APBA1: variants seen among roughly 807,000 people sequenced by gnomAD.
APBA1 encodes amyloid beta precursor protein binding family A member 1.
APBA1 carries 55 observed loss-of-function variants against 86.6 expected under a neutral mutation model. The observed-to-expected ratio is 0.64, with a 90% CI of 0.51 to 0.80. APBA1 has a LOEUF of 0.80. Ranked by LOEUF, APBA1 falls within the 30% of genes least tolerant of loss-of-function variation. The pLI is 0.00. For synonymous variants in APBA1, 511 were observed against 493.9 expected (o/e 1.03, Z -0.46); for missense variants, 1,090 against 1,183.0 (o/e 0.92, Z 1.15).
intron 11 of APBA1, among the ~76,000 whole-genome samples, chr9:69,434,151 A>G (rs1834654264): frequency 6.6e-6 from 1 of 152,194 alleles, no homozygotes; most frequent in Admixed American, 6.5e-5. Flanking sequence ...CGGCCCCTGC[A>G]CTGTACAGCC....
At chr9:69,525,207 A>G (rs1463093473) in intron 1 of APBA1, among the ~76,000 whole-genome samples, 2 of 152,196 alleles carry the variant, frequency 1.3e-5, no homozygotes, top group Admixed American at 6.6e-5. Context: ...CCTATTCAGC[A>G]TAGTTTTGGA....
chr9:69,568,505 C>G (rs1837065695), intron 1 of APBA1, among the ~76,000 whole-genome samples: 1 of 152,176 alleles, frequency 6.6e-6, no homozygotes, highest in Non-Finnish European at 1.5e-5. Flanking sequence ...TGAAGAGAAC[C>G]AACCTTCCCC....
chr9:69,498,428 C>G (rs993551007), intron 2 of APBA1, among the ~76,000 whole-genome samples: 2 of 152,032 alleles, frequency 1.3e-5, no homozygotes, highest in African/African-American at 4.8e-5. Flanking sequence ...GTGAGATAGT[C>G]AAGGAAGGTT....
chr9:69,476,219 G>T, intron 2 of APBA1, 76 bp from the exon 3 acceptor site: 1 of 1,058,880 alleles, frequency 9.4e-7, no homozygotes, highest in South Asian at 1.5e-5. Context: ...AAGGGGCCGG[G>T]AGAGAGAAGC....
intron 1 of APBA1, among the ~76,000 whole-genome samples, chr9:69,523,497 GTA>G (rs869242999): frequency 0.015 from 474 of 30,880 alleles, 8 homozygotes; most frequent in South Asian, 0.047. Context: ...ATATATATAT[GTA>G]TATATATATA....
At position 69,517,103 on chromosome 9, in the gene APBA1, C is replaced by T. The variant is rs546936072; in HGVS notation, c.108G>A (p.Glu36=). Reference sequence around the variant, plus strand: ...GCTGCTGCGGCGGCTGCTGCTGTTCCTCTTCCACCTCGGGGTGCTCCAGGT... The same window carrying T: ...GCTGCTGCGGCGGCTGCTGCTGTTCTTCTTCCACCTCGGGGTGCTCCAGGT... The part of the protein sequence containing the change: ...EADLEHPEVE[E]EQQQPPQQQH... The change falls in exon 2 of 13, where the codon GAG becomes GAA. Residue 36 remains glutamate (E), a synonymous_variant. Transcript: ENST00000265381. 3.2e-6 allele frequency: 5 copies of T among 1,577,702 alleles called. No homozygotes were observed. The highest frequency in any genetic ancestry group is 2.7e-5 in the African/African-American group (2 of 74,274).
At chr9:69,534,849 T>C (rs533967805) in intron 1 of APBA1, among the ~76,000 whole-genome samples, 2 of 152,366 alleles carry the variant, frequency 1.3e-5, no homozygotes, top group South Asian at 2.1e-4. Flanking sequence ...GACTTCCTAC[T>C]GTGAAAGATG....
chr9:69,452,730 C>G (rs1232477740), intron 8 of APBA1, among the ~76,000 whole-genome samples: 2 of 152,188 alleles, frequency 1.3e-5, no homozygotes, highest in Non-Finnish European at 2.9e-5. Context: ...TTGTATGGCT[C>G]TAATACACAT....
intron 1 of APBA1, among the ~76,000 whole-genome samples, chr9:69,655,393 T>C (rs1221768029): frequency 6.6e-6 from 1 of 152,168 alleles, no homozygotes; most frequent in Non-Finnish European, 1.5e-5. Flanking sequence ...AGGAAAGTTG[T>C]AGTATACAAA....
chr9:69,447,765 G>A (rs193188775), intron 10 of APBA1, among the ~76,000 whole-genome samples: 3 of 152,212 alleles, frequency 2.0e-5, no homozygotes, highest in African/African-American at 7.2e-5. Context: ...CTGCCCCGAA[G>A]GCTCAGCAAG....
At position 69,575,432 on chromosome 9, in the gene APBA1, C is replaced by T. The variant is rs372465597; in HGVS notation, c.-69-58153G>A. Among the ~76,000 whole-genome samples the T allele has an allele frequency of 7.9e-5, 12 of 152,258 alleles. No homozygotes were observed. In the East Asian group the frequency reaches 2.1e-3, roughly 27 times the overall value. On this transcript the variant is annotated intron_variant, in intron 1 of 12. Transcript: ENST00000265381. The stretch of plus-strand genomic sequence containing the variant: ...TAAGCCAACAGAACAAAGCTGGAGG[C>T]GTCACGCTACCTGACTTCAAACTAT...
chr9:69,592,144 T>C (rs1822143259), intron 1 of APBA1, among the ~76,000 whole-genome samples: 1 of 152,228 alleles, frequency 6.6e-6, no homozygotes, highest in Non-Finnish European at 1.5e-5. Flanking sequence ...TACAGATACA[T>C]TCATCATTTT....
intron 1 of APBA1, among the ~76,000 whole-genome samples, chr9:69,545,792 A>T (rs1836688440): frequency 6.6e-6 from 1 of 152,202 alleles, no homozygotes; most frequent in Admixed American, 6.5e-5. Context: ...ATTTTGGCTC[A>T]GATGTGAAAT....
chr9:69,647,102 C>T (rs1160925704), intron 1 of APBA1, among the ~76,000 whole-genome samples: 4 of 152,148 alleles, frequency 2.6e-5, no homozygotes, highest in Non-Finnish European at 5.9e-5. Flanking sequence ...GATTCAGTGC[C>T]TTAATAACAG....
At chr9:69,441,375 T>C (rs1323843975) in intron 10 of APBA1, among the ~76,000 whole-genome samples, 1 of 152,134 alleles carries the variant, frequency 6.6e-6, no homozygotes, top group East Asian at 1.9e-4. Flanking sequence ...TGCCTTCCTT[T>C]TGGGAAGTGG....
At chr9:69,654,349 C>T (rs1444987639) in intron 1 of APBA1, among the ~76,000 whole-genome samples, 3 of 151,894 alleles carry the variant, frequency 2.0e-5, no homozygotes, top group South Asian at 2.1e-4. Flanking sequence ...CCTGTAATCC[C>T]GACACTTTGG....
At chr9:69,492,272 C>A (rs1438875176) in intron 2 of APBA1, among the ~76,000 whole-genome samples, 1 of 152,044 alleles carries the variant, frequency 6.6e-6, no homozygotes. Flanking sequence ...CCCGGGTTGC[C>A]ATGAGTATTA....
At chr9:69,650,969 C>T (rs1823486858) in intron 1 of APBA1, among the ~76,000 whole-genome samples, 1 of 152,126 alleles carries the variant, frequency 6.6e-6, no homozygotes, top group Non-Finnish European at 1.5e-5. Flanking sequence ...TAACATTGTT[C>T]ATAGTAGTTT....
intron 1 of APBA1, among the ~76,000 whole-genome samples, chr9:69,589,435 G>A (rs1392594503): frequency 1.3e-5 from 2 of 152,174 alleles, no homozygotes; most frequent in Non-Finnish European, 2.9e-5. Flanking sequence ...GTAACAAGGG[G>A]TTTCTGACCC....
Sources: gnomAD v4.1 joint callset for allele counts (sites outside exome capture counted in the v4.1 genomes callset) on GRCh38, gnomAD v4.1.1 for gene constraint, MANE v1.5 for transcripts, NCBI Gene and HGNC (gene_info 2026-07-23, HGNC 2026-07-21) for gene names.